The following STK32B variants were observed in gnomAD, a reference collection of about 807,000 sequenced individuals.
STK32B encodes the protein serine/threonine-protein kinase 32B.
STK32B carries 43 observed loss-of-function variants against 52.6 expected under a neutral mutation model. The ratio of observed to expected loss-of-function variants is 0.82; its 90% CI spans 0.64 to 1.05. The LOEUF (loss-of-function observed/expected upper bound fraction) is 1.05. STK32B is among the 50% of genes least tolerant of loss of function. STK32B has a pLI of 0.00. For missense variants in STK32B, 621 were observed against 534.6 expected, an observed-to-expected ratio of 1.16 and a Z score of -1.59; for synonymous variants, 238 against 204.3, an observed-to-expected ratio of 1.17 and a Z score of -1.41.
At chr4:5,173,652 C>A (rs1431967732) in intron 3 of STK32B, among the ~76,000 whole-genome samples, 2 of 152,172 alleles carry the variant, frequency 1.3e-5, no homozygotes, top group Non-Finnish European at 2.9e-5. Flanking sequence ...AGTTTGATTG[C>A]ACTGTGGTCT....
intron 4 of STK32B, among the ~76,000 whole-genome samples, chr4:5,360,295 T>A (rs1050850130): frequency 6.6e-6 from 1 of 151,980 alleles, no homozygotes; most frequent in African/African-American, 2.4e-5. Context: ...TGAAAAGCAC[T>A]CCATGGGGGC....
At chr4:5,287,391 ATATT>A (rs1203049288) in intron 3 of STK32B, among the ~76,000 whole-genome samples, 1 of 149,200 alleles carries the variant, frequency 6.7e-6, no homozygotes, top group Non-Finnish European at 1.5e-5. Flanking sequence ...ATATATTTAT[ATATT>A]TATTGGCCAA....
intron 4 of STK32B, among the ~76,000 whole-genome samples, chr4:5,341,740 GCT>G (rs960051384): frequency 1.3e-5 from 2 of 152,176 alleles, no homozygotes; most frequent in African/African-American, 4.8e-5. Flanking sequence ...CATCTGTTCG[GCT>G]TCTGGGGAGG....
In STK32B at chr4:5,467,829, C is replaced by T. The variant is rs77806954; in HGVS notation, c.1042-177C>T. On this transcript the variant is annotated intron_variant, in intron 10 of 11. Coordinates refer to ENST00000282908, the MANE Select transcript of STK32B (RefSeq NM_018401.3). The surrounding 1 kb of genome is among the most constrained non-coding windows in gnomAD (Gnocchi z 5.8). ...AAAGCATCTTTGTCCACCAGGCTAC[C>T]TTTGGACACAGCCACCCATGCAGTC... 1.8e-3 allele frequency among the ~76,000 whole-genome samples: 270 copies of T among 152,292 alleles called. No homozygotes were observed. Among genetic ancestry groups the T allele is most frequent in the African/African-American group, 6.3e-3 (263 of 41,552 alleles).
chr4:5,340,175 A>G (rs1047992261), intron 4 of STK32B, among the ~76,000 whole-genome samples: 3 of 152,214 alleles, frequency 2.0e-5, no homozygotes, highest in Non-Finnish European at 2.9e-5. Context: ...GAAGAAAATG[A>G]TGAATGAGAC....
intron 3 of STK32B, among the ~76,000 whole-genome samples, chr4:5,178,173 C>T (rs375549185): frequency 6.6e-6 from 1 of 152,222 alleles, no homozygotes; most frequent in Non-Finnish European, 1.5e-5. Context: ...TCTATACATC[C>T]TCTGAAATCT....
intron 3 of STK32B, among the ~76,000 whole-genome samples, chr4:5,236,161 T>G (rs1724620404): frequency 1.3e-5 from 2 of 151,964 alleles, no homozygotes; most frequent in African/African-American, 4.8e-5. Flanking sequence ...GACCTAATTC[T>G]CAAAAAGCTC....
intron 1 of STK32B, among the ~76,000 whole-genome samples, chr4:5,095,687 A>G (rs1315006962): frequency 1.3e-5 from 2 of 152,170 alleles, no homozygotes; most frequent in East Asian, 1.9e-4. Context: ...TGGGTTCCAG[A>G]CCTTATACTT....
chr4:5,021,913 A>T, the STK32B span, among the ~76,000 whole-genome samples: 1 of 152,140 alleles, frequency 6.6e-6, no homozygotes. Context: ...GCTGTTGTGC[A>T]CTGGGCCAGG....
At chr4:5,139,035 G>T (rs1190566522) in intron 1 of STK32B, among the ~76,000 whole-genome samples, 1 of 152,196 alleles carries the variant, frequency 6.6e-6, no homozygotes, top group East Asian at 1.9e-4. Flanking sequence ...ATTTTCCTGA[G>T]TGGAAGAGTC....
intron 4 of STK32B, among the ~76,000 whole-genome samples, chr4:5,389,317 A>G (rs62297320): frequency 0.08 from 12,154 of 152,208 alleles, 1,021 homozygotes; most frequent in Admixed American, 0.2. Context: ...CTGCCATACA[A>G]AATACCACAG....
chr4:5,022,441 G>A, the STK32B span, among the ~76,000 whole-genome samples: 9 of 152,172 alleles, frequency 5.9e-5, 1 homozygote, highest in Admixed American at 5.9e-4. Flanking sequence ...ACCCCCGCAC[G>A]TGTGTTCTGT....
intron 3 of STK32B, among the ~76,000 whole-genome samples, chr4:5,279,392 G>A (rs1324242224): frequency 6.6e-6 from 1 of 152,090 alleles, no homozygotes; most frequent in Non-Finnish European, 1.5e-5. Flanking sequence ...TCGACTCCAT[G>A]ATTCACATCC....
intron 5 of STK32B, among the ~76,000 whole-genome samples, chr4:5,405,561 TTTAA>T (rs1359036560): frequency 2.6e-5 from 4 of 151,878 alleles, no homozygotes; most frequent in Non-Finnish European, 5.9e-5. Context: ...AGAAAAGAGG[TTTAA>T]TTGACTCACA....
chr4:5,194,805 C>G (rs974024304), intron 3 of STK32B, among the ~76,000 whole-genome samples: 1 of 152,096 alleles, frequency 6.6e-6, no homozygotes, highest in Non-Finnish European at 1.5e-5. Context: ...AAAGCGTTAC[C>G]AAAGATGTCT....
intron 3 of STK32B, among the ~76,000 whole-genome samples, chr4:5,281,604 T>A (rs1728203288): frequency 6.6e-6 from 1 of 152,044 alleles, no homozygotes; most frequent in Non-Finnish European, 1.5e-5. Context: ...ACTTAAAATT[T>A]AAAAAAGAAG....
intron 11 of STK32B, among the ~76,000 whole-genome samples, chr4:5,495,665 T>C (rs1422500757): frequency 3.3e-5 from 5 of 152,132 alleles, no homozygotes; most frequent in Non-Finnish European, 2.9e-5. Flanking sequence ...CTTTTTAGAG[T>C]TTCCAGTTTT....
intron 4 of STK32B, among the ~76,000 whole-genome samples, chr4:5,354,346 A>G (rs1459372547): frequency 1.3e-5 from 2 of 151,876 alleles, no homozygotes; most frequent in African/African-American, 2.4e-5. Context: ...GCTCCCTGCA[A>G]CCTCCACCTC....
intron 4 of STK32B, among the ~76,000 whole-genome samples, chr4:5,373,870 A>G (rs1735407688): frequency 1.3e-5 from 2 of 152,214 alleles, no homozygotes; most frequent in South Asian, 2.1e-4. Flanking sequence ...TGCTCTATCT[A>G]CACACCAACA....
Sources: gnomAD v4.1 joint callset for allele counts (sites outside exome capture counted in the v4.1 genomes callset) on GRCh38, gnomAD v4.1.1 for gene constraint, Gnocchi (gnomAD v3.1) non-coding constraint, MANE v1.5 for transcripts, NCBI Gene and HGNC (gene_info 2026-07-23, HGNC 2026-07-21) for gene names.